The following ZFHX3 variants were observed in gnomAD, a reference collection of about 807,000 sequenced individuals.
ZFHX3 encodes the protein zinc finger homeobox 3, also known as zinc finger homeobox protein 3.
In ZFHX3, 42 loss-of-function variants were observed where a neutral mutation model predicts 279.1. The ratio of observed to expected loss-of-function variants is 0.15; its 90% confidence interval spans 0.12 to 0.19. The LOEUF is 0.19. ZFHX3 is among the 10% of genes least tolerant of loss of function. ZFHX3 has a pLI of 1.00. For synonymous variants in ZFHX3, 2,293 were observed against 1,957.8 expected (o/e 1.17, Z -4.52); for missense variants, 4,981 against 4,754.0 (o/e 1.05, Z -1.40).
rs543370417 is a variant in ZFHX3 at position 73,891,393 on chromosome 16, T to C, written c.-1608+258A>G. Among the ~76,000 whole-genome samples, 5 of 152,174 alleles carry C rather than the reference T, an allele frequency of 3.3e-5. No individual in the cohort carries two copies. In the South Asian group the frequency reaches 8.3e-4, roughly 25 times the overall value. ...AGGCAGTCCTATTTGCATATTCACA[T>C]GAGTTCCGTTCTCAGATTGCTTAAG... is the stretch of plus-strand genomic sequence containing the variant. On this transcript the variant is annotated intron_variant, in intron 1 of 17. Transcript: ENST00000641206.
At chr16:73,777,079 A>G (rs572884415) in intron 1 of ZFHX3, among the ~76,000 whole-genome samples, 1 of 152,294 alleles carries the variant, frequency 6.6e-6, no homozygotes, top group Admixed American at 6.5e-5. Context: ...ACGCTTTGTA[A>G]GAAGGAACAC....
chr16:72,975,624 CT>C (rs1962317036), intron 1 of ZFHX3, among the ~76,000 whole-genome samples: 1 of 152,216 alleles, frequency 6.6e-6, no homozygotes, highest in Non-Finnish European at 1.5e-5. Context: ...ATACTTACCA[CT>C]GGCCACTTCA....
chr16:73,777,030 G>A (rs985475670), intron 1 of ZFHX3, among the ~76,000 whole-genome samples: 2 of 152,176 alleles, frequency 1.3e-5, no homozygotes, highest in Admixed American at 6.5e-5. Context: ...GAACGTAGAG[G>A]AGGTATTGCA....
At chr16:73,276,185 T>C (rs551549536) in intron 4 of ZFHX3, among the ~76,000 whole-genome samples, 1 of 150,802 alleles carries the variant, frequency 6.6e-6, no homozygotes, top group South Asian at 2.1e-4. Context: ...TTCTTTTTTT[T>C]TTTTTTTTCT....
chr16:73,753,284 C>T (rs2053777216), intron 1 of ZFHX3, among the ~76,000 whole-genome samples: 1 of 152,092 alleles, frequency 6.6e-6, no homozygotes, highest in Admixed American at 6.5e-5. Flanking sequence ...AGTGAAGAAA[C>T]CAGAGGAAAC....
At chr16:73,451,330 C>T (rs1466543473) in intron 3 of ZFHX3, among the ~76,000 whole-genome samples, 1 of 152,140 alleles carries the variant, frequency 6.6e-6, no homozygotes, top group Non-Finnish European at 1.5e-5. Flanking sequence ...ATCGAGAGCC[C>T]CTACGATGCA....
At chr16:73,632,936 G>A (rs1011280025) in intron 2 of ZFHX3, among the ~76,000 whole-genome samples, 15 of 152,108 alleles carry the variant, frequency 9.9e-5, no homozygotes, top group Non-Finnish European at 2.1e-4. Flanking sequence ...TAAATTGGCC[G>A]GGTGTGGTGG....
At chr16:73,679,996 G>A (rs1166087979) in intron 2 of ZFHX3, 5 of 152,144 alleles carry the variant, frequency 3.3e-5, no homozygotes, top group Non-Finnish European at 7.3e-5. Context: ...AAGATACATA[G>A]GCATTTTGAA....
intron 1 of ZFHX3, among the ~76,000 whole-genome samples, chr16:73,057,701 T>C (rs7202196): frequency 0.96 from 146,248 of 151,730 alleles, 70,519 homozygotes; most frequent in Middle Eastern, 1. Context: ...CAGGGCAGAG[T>C]CCCCTCTGGG....
chr16:73,703,665 T>C (rs1009003220), intron 1 of ZFHX3, among the ~76,000 whole-genome samples: 2 of 152,022 alleles, frequency 1.3e-5, no homozygotes, highest in East Asian at 3.9e-4. Context: ...GTAAGAAAGA[T>C]TTAAGAGTCC....
At chr16:73,007,822 A>C (rs554024930) in intron 1 of ZFHX3, among the ~76,000 whole-genome samples, 15 of 152,218 alleles carry the variant, frequency 9.9e-5, no homozygotes, top group Admixed American at 9.2e-4. Flanking sequence ...GTCATTTCCC[A>C]ACAGCCATGT....
intron 1 of ZFHX3, among the ~76,000 whole-genome samples, chr16:73,760,953 A>G (rs138208810): frequency 0.012 from 1,809 of 151,714 alleles, 18 homozygotes; most frequent in South Asian, 0.027. Context: ...CCTATTCAAC[A>G]TAGTATTTGG....
chr16:73,653,507 AATCTAATGGAAATTGCAC>A (rs1458188909), intron 2 of ZFHX3, among the ~76,000 whole-genome samples: 1 of 152,214 alleles, frequency 6.6e-6, no homozygotes, highest in Non-Finnish European at 1.5e-5. Flanking sequence ...TCAACAAAGG[AATCTAATGGAAATTGCAC>A]ATCTAAAAAT....
At chr16:73,750,799 A>C (rs575242560) in intron 1 of ZFHX3, among the ~76,000 whole-genome samples, 1 of 152,214 alleles carries the variant, frequency 6.6e-6, no homozygotes, top group Non-Finnish European at 1.5e-5. Context: ...GCAGGCAATT[A>C]GGGGTAATAT....
intron 3 of ZFHX3, among the ~76,000 whole-genome samples, chr16:73,334,063 G>C (rs1332216657): frequency 6.6e-6 from 1 of 152,132 alleles, no homozygotes; most frequent in Non-Finnish European, 1.5e-5. Context: ...GAAGAGGATG[G>C]GGTCAAGGAC....
At chr16:73,560,457 T>A (rs1272063680) in intron 2 of ZFHX3, among the ~76,000 whole-genome samples, 2 of 152,196 alleles carry the variant, frequency 1.3e-5, no homozygotes, top group African/African-American at 4.8e-5. Context: ...CACACGGATT[T>A]GATGATCGTT....
At chr16:72,857,313 G>A (rs952303205) in intron 4 of ZFHX3, among the ~76,000 whole-genome samples, 1 of 152,220 alleles carries the variant, frequency 6.6e-6, no homozygotes, top group African/African-American at 2.4e-5. Flanking sequence ...GTATTTGTTA[G>A]TTTTCATAGA....
intron 3 of ZFHX3, among the ~76,000 whole-genome samples, chr16:73,354,955 C>T (rs546406633): frequency 2.6e-5 from 4 of 152,286 alleles, no homozygotes; most frequent in African/African-American, 9.6e-5. Context: ...ATTGATTGGC[C>T]TTTGATCACC....
intron 7 of ZFHX3, among the ~76,000 whole-genome samples, chr16:73,115,567 A>T (rs1292488113): frequency 6.6e-6 from 1 of 151,942 alleles, no homozygotes; most frequent in Admixed American, 6.6e-5. Flanking sequence ...CAATGTCCAT[A>T]CTTGGCTTCC....
Sources: allele counts gnomAD v4.1 joint callset (sites outside exome capture counted in the v4.1 genomes callset), GRCh38; gene constraint gnomAD v4.1.1; transcripts MANE v1.5; gene names NCBI Gene and HGNC (gene_info 2026-07-23, HGNC 2026-07-21).